Variants in FAM184A observed in about 807,000 individuals in gnomAD.
FAM184A encodes the protein protein FAM184A.
FAM184A carries 99 observed loss-of-function variants against 143.8 expected under a neutral mutation model. The ratio of observed to expected loss-of-function variants is 0.69; its 90% CI spans 0.58 to 0.81. FAM184A has a LOEUF of 0.81. Among genes scored for constraint, FAM184A ranks in the 40% least tolerant of loss-of-function variants. FAM184A has a pLI of 0.00. For missense variants in FAM184A, 1,217 were observed against 1,310.5 expected, an observed-to-expected ratio of 0.93 and a Z score of 1.10; for synonymous variants, 427 against 446.4, an observed-to-expected ratio of 0.96 and a Z score of 0.55.
rs547741245 is a variant in FAM184A, at chr6:119,031,726, T to G, written c.160-6913A>C. 1.1e-3 allele frequency among the ~76,000 whole-genome samples: 169 copies of G among 152,248 alleles called. 1 individual carries two copies. The highest frequency in any genetic ancestry group is 1.9e-3 in the Non-Finnish European group (126 of 68,022). On this transcript the variant is annotated intron_variant, in intron 1 of 17. Transcript: ENST00000338891. ...ATATTAGCTTAGTAATGTAAAACAT[T>G]TTAACTGGACCTTAATTGTTGCATA...
At chr6:119,118,959 G>A (rs544084257) in intron 1 of FAM184A, among the ~76,000 whole-genome samples, 49 of 152,278 alleles carry the variant, frequency 3.2e-4, no homozygotes, top group Non-Finnish European at 6.9e-4. Flanking sequence ...TCTCAGCAAG[G>A]AACATCCCTG....
At chr6:119,130,493 G>A (rs1789507459) in intron 1 of FAM184A, among the ~76,000 whole-genome samples, 1 of 152,074 alleles carries the variant, frequency 6.6e-6, no homozygotes, top group Non-Finnish European at 1.5e-5. Context: ...TTGTCACAGG[G>A]GAGGATTTAA....
At chr6:119,066,070 C>T (rs1163503507) in intron 1 of FAM184A, among the ~76,000 whole-genome samples, 3 of 152,274 alleles carry the variant, frequency 2.0e-5, no homozygotes, top group Admixed American at 6.5e-5. Flanking sequence ...AGAGGACACA[C>T]GGTCCACAGC....
At position 119,016,923 on chromosome 6, in the gene FAM184A, T is replaced by C. The variant is rs367910352; in HGVS notation, c.1354A>G (p.Thr452Ala). The change falls in exon 5 of 18, where the codon ACT becomes GCT. Residue 452 changes from threonine to alanine, a missense_variant. Coordinates refer to ENST00000338891, the MANE Select transcript of FAM184A (RefSeq NM_024581.6). The part of the protein sequence containing the change: ...LEKKVNEAKR[T>A]QQEYYERELK... ...TCCCTTTCATAATATTCTTGCTGAG[T>C]TCTCTTTGCTTCATTTACTTTCTAA... 2 of 1,605,136 alleles carry C rather than the reference T, an allele frequency of 1.2e-6. No homozygotes were observed. Among genetic ancestry groups the C allele is most frequent in the Non-Finnish European group, 1.7e-6 (2 of 1,177,216 alleles).
intron 5 of FAM184A, among the ~76,000 whole-genome samples, chr6:119,014,722 G>C (rs1420157237): frequency 6.6e-6 from 1 of 152,148 alleles, no homozygotes; most frequent in Non-Finnish European, 1.5e-5. Context: ...GTTACTCTTT[G>C]AACCATGACT....
intron 9 of FAM184A, among the ~76,000 whole-genome samples, chr6:118,993,678 G>A (rs1784451435): frequency 6.6e-6 from 1 of 152,100 alleles, no homozygotes; most frequent in Non-Finnish European, 1.5e-5. Context: ...CCTAATAATA[G>A]CAGAAAGAGA....
chr6:119,125,947 A>T (rs902255919), intron 1 of FAM184A, among the ~76,000 whole-genome samples: 1 of 152,232 alleles, frequency 6.6e-6, no homozygotes, highest in Non-Finnish European at 1.5e-5. Flanking sequence ...ACTAATTACC[A>T]TAAATTTAAT....
chr6:119,011,034 G>C, intron 6 of FAM184A: 1 of 270,618 alleles, frequency 3.7e-6, no homozygotes, highest in Non-Finnish European at 6.9e-6. Context: ...TGGCAAAAGG[G>C]TAGAGAACTC....
intron 6 of FAM184A, among the ~76,000 whole-genome samples, 190 bp from the exon 7 acceptor site, chr6:119,006,798 T>C (rs1351730961): frequency 2.6e-5 from 4 of 152,210 alleles, no homozygotes; most frequent in African/African-American, 7.2e-5. Flanking sequence ...GACTTTCACA[T>C]TTAAGATCTT....
In FAM184A at chr6:119,141,304, A is replaced by T. The variant is rs181603242; in HGVS notation, c.-202+7774T>A. Among the ~76,000 whole-genome samples the T allele has an allele frequency of 3.7e-4, 56 of 152,308 alleles. No individual in the cohort carries two copies. The Middle Eastern group carries it at 0.014, about 37-fold the overall frequency. ...AATAAATCACCAGGTGGCCCTGTCC[A>T]AGCCTCTGAGAAGTTTGTGTCACTG... is the stretch of plus-strand genomic sequence containing the variant. On this transcript the variant is annotated intron_variant, in intron 1 of 16. Coordinates refer to the FAM184A transcript ENST00000352896.
At chr6:118,976,620 C>T (rs559289488) in intron 11 of FAM184A, among the ~76,000 whole-genome samples, 10 of 151,220 alleles carry the variant, frequency 6.6e-5, no homozygotes, top group South Asian at 4.2e-4. Context: ...GCCGAGATCA[C>T]GCCATTGCAC....
intron 1 of FAM184A, among the ~76,000 whole-genome samples, chr6:119,146,989 T>C (rs12190611): frequency 0.35 from 53,426 of 151,456 alleles, 9,743 homozygotes; most frequent in East Asian, 0.53. Flanking sequence ...ATGTAGTTTA[T>C]TATCAGGATA....
At chr6:119,071,860 C>CTTTTTTT (rs35786966) in intron 1 of FAM184A, among the ~76,000 whole-genome samples, 13 of 94,160 alleles carry the variant, frequency 1.4e-4, no homozygotes, top group Non-Finnish European at 1.8e-4. Flanking sequence ...AACCTTTAAT[C>CTTTTTTT]TTTTTTTTTT....
chr6:118,983,192 T>C (rs1224592860), intron 9 of FAM184A, among the ~76,000 whole-genome samples: 1 of 152,224 alleles, frequency 6.6e-6, no homozygotes, highest in Admixed American at 6.5e-5. Flanking sequence ...ATTTATTTTG[T>C]TCTTTTTAAA....
intron 9 of FAM184A, among the ~76,000 whole-genome samples, chr6:118,984,179 T>TTTA (rs1784115508): frequency 7.4e-5 from 10 of 134,436 alleles, no homozygotes; most frequent in African/African-American, 2.5e-4. Context: ...ATATATATAT[T>TTTA]TATATATATA....
At chr6:118,998,493 T>C (rs1311541936) in intron 9 of FAM184A, among the ~76,000 whole-genome samples, 1 of 152,026 alleles carries the variant, frequency 6.6e-6, no homozygotes, top group Non-Finnish European at 1.5e-5. Flanking sequence ...ATATACTGTG[T>C]AGAAGTAAAT....
chr6:119,019,130 T>C (rs1313030831), intron 4 of FAM184A, among the ~76,000 whole-genome samples: 1 of 152,092 alleles, frequency 6.6e-6, no homozygotes, highest in Non-Finnish European at 1.5e-5. Context: ...TAGAATTAGA[T>C]GAAAATACTG....
At chr6:119,037,678 A>C (rs1168408504) in intron 1 of FAM184A, among the ~76,000 whole-genome samples, 1 of 152,250 alleles carries the variant, frequency 6.6e-6, no homozygotes, top group Non-Finnish European at 1.5e-5. Context: ...AGTATAACTT[A>C]ATTTAGAATA....
At chr6:119,071,771 A>G (rs930039744) in intron 1 of FAM184A, among the ~76,000 whole-genome samples, 6 of 151,718 alleles carry the variant, frequency 4.0e-5, no homozygotes, top group Non-Finnish European at 7.4e-5. Flanking sequence ...AGGTTGAGTA[A>G]TCTTCAAATG....
Sources: allele counts gnomAD v4.1 joint callset (sites outside exome capture counted in the v4.1 genomes callset), GRCh38; gene constraint gnomAD v4.1.1; transcripts MANE v1.5; gene names NCBI Gene and HGNC (gene_info 2026-07-23, HGNC 2026-07-21).